RGPD2: variants seen among roughly 807,000 people sequenced by gnomAD.
RGPD2 encodes the protein RANBP2-like and GRIP domain-containing protein 2.
Under a neutral mutation model 36.0 loss-of-function variants are expected in RGPD2, and 2 were observed. The observed-to-expected ratio is 0.06, with a 90% CI of 0.02 to 0.17. RGPD2 has a LOEUF of 0.17. Among genes scored for constraint, RGPD2 ranks in the 10% least tolerant of loss-of-function variants. The pLI is 1.00. For synonymous variants in RGPD2, 19 were observed against 163.8 expected, an observed-to-expected ratio of 0.12 and a Z score of 6.75; for missense variants, 40 against 464.3, an observed-to-expected ratio of 0.09 and a Z score of 8.40.
the RGPD2 span, among the ~76,000 whole-genome samples, chr2:87,962,415 C>G: frequency 6.6e-6 from 1 of 150,540 alleles, no homozygotes; most frequent in Non-Finnish European, 1.5e-5. Context: ...ACAAGTATTG[C>G]CTTTCTAAAA....
chr2:87,866,209 A>C, the RGPD2 span, among the ~76,000 whole-genome samples: 3 of 150,138 alleles, frequency 2.0e-5, no homozygotes, highest in Admixed American at 6.7e-5. Flanking sequence ...TGGAATAAAA[A>C]AGTGGAAAAT....
At chr2:87,964,026 G>T in the RGPD2 span, among the ~76,000 whole-genome samples, 2 of 151,318 alleles carry the variant, frequency 1.3e-5, no homozygotes, top group East Asian at 3.9e-4. Context: ...AGTAGAGACG[G>T]GGTTTCACCA....
At chr2:87,807,409 CAG>C (rs1351937352) in intron 6 of RGPD2, among the ~76,000 whole-genome samples, 4 of 103,786 alleles carry the variant, frequency 3.9e-5, no homozygotes, top group African/African-American at 1.6e-4. Context: ...TTTTTTGAGA[CAG>C]AGTCTCTCAC....
chr2:87,969,657 CAA>C, the RGPD2 span, among the ~76,000 whole-genome samples: 1 of 40,512 alleles, frequency 2.5e-5, no homozygotes. Context: ...GATGCCGTCT[CAA>C]AAAAAAAAAA....
At chr2:87,861,018 TGTGA>T in the RGPD2 span, among the ~76,000 whole-genome samples, 4 of 152,286 alleles carry the variant, frequency 2.6e-5, no homozygotes, top group African/African-American at 9.6e-5. Flanking sequence ...AGGATGTATG[TGTGA>T]GTGTCAGTGT....
the RGPD2 span, among the ~76,000 whole-genome samples, chr2:87,944,633 T>C: frequency 7.9e-6 from 1 of 126,996 alleles, no homozygotes; most frequent in South Asian, 2.3e-4. Context: ...AAAATTCAGA[T>C]GGCATTTTTT....
At chr2:87,878,647 C>T in the RGPD2 span, among the ~76,000 whole-genome samples, 1 of 152,242 alleles carries the variant, frequency 6.6e-6, no homozygotes, top group Non-Finnish European at 1.5e-5. Context: ...TAACTATAGT[C>T]ACCTTGCTGT....
At chr2:87,861,316 A>G in the RGPD2 span, among the ~76,000 whole-genome samples, 2 of 152,086 alleles carry the variant, frequency 1.3e-5, no homozygotes, top group African/African-American at 2.4e-5. Flanking sequence ...TCTAATTTCA[A>G]TGTTAATGGA....
At chr2:87,915,357 TTA>T in the RGPD2 span, among the ~76,000 whole-genome samples, 4,242 of 116,412 alleles carry the variant, frequency 0.036, 244 homozygotes, top group Middle Eastern at 0.093. Context: ...ATTATATATA[TTA>T]TATATATATG....
the RGPD2 span, among the ~76,000 whole-genome samples, chr2:87,961,562 C>T: frequency 2.0e-5 from 3 of 151,090 alleles, no homozygotes; most frequent in Admixed American, 1.3e-4. Context: ...ATTACCCGGG[C>T]GTGGAGGTGG....
At chr2:87,970,314 C>A in the RGPD2 span, among the ~76,000 whole-genome samples, 1 of 151,226 alleles carries the variant, frequency 6.6e-6, no homozygotes. Context: ...TATTTATATA[C>A]ATACACGTAT....
At chr2:87,883,096 A>G in the RGPD2 span, among the ~76,000 whole-genome samples, 55 of 152,284 alleles carry the variant, frequency 3.6e-4, no homozygotes, top group East Asian at 0.01. Flanking sequence ...TAAAAACAAA[A>G]CTATTAAAAA....
At chr2:87,864,190 C>T in the RGPD2 span, among the ~76,000 whole-genome samples, 12 of 148,554 alleles carry the variant, frequency 8.1e-5, no homozygotes, top group African/African-American at 2.7e-4. Flanking sequence ...AATGTAAATG[C>T]CCCTGCTCAA....
chr2:87,826,846 G>A (rs1281033342), upstream of RGPD2, among the ~76,000 whole-genome samples: 1 of 58,994 alleles, frequency 1.7e-5, no homozygotes, highest in African/African-American at 6.8e-5. Context: ...AAAGTCATAG[G>A]GTAGAAAAAT....
At chr2:87,879,479 C>T in the RGPD2 span, among the ~76,000 whole-genome samples, 1 of 139,330 alleles carries the variant, frequency 7.2e-6, no homozygotes, top group East Asian at 2.1e-4. Context: ...AGTACCCTTC[C>T]CAGCCTCTGG....
the RGPD2 span, among the ~76,000 whole-genome samples, chr2:87,984,920 A>G: frequency 1.7e-5 from 2 of 115,152 alleles, no homozygotes; most frequent in Admixed American, 2.0e-4. Context: ...ACAGAGCAAC[A>G]TTCTGTCTCA....
chr2:87,920,286 G>A, the RGPD2 span, among the ~76,000 whole-genome samples: 1 of 151,928 alleles, frequency 6.6e-6, no homozygotes, highest in Non-Finnish European at 1.5e-5. Context: ...GGGAAAAAAA[G>A]CAACTTCAAA....
chr2:87,964,500 G>A, the RGPD2 span, among the ~76,000 whole-genome samples: 1 of 152,140 alleles, frequency 6.6e-6, no homozygotes, highest in Non-Finnish European at 1.5e-5. Context: ...CAAATTGAAA[G>A]TTTATGCCCA....
intron 1 of RGPD2, 121 bp downstream of exon 1, chr2:87,825,537 C>CGAGGCCGCCGCCCGGCCAGGT (rs1686738914): frequency 3.4e-6 from 2 of 588,590 alleles, no homozygotes; most frequent in Admixed American, 1.8e-4. Context: ...GAGGCCGAGG[C>CGAGGCCGCCGCCCGGCCAGGT]CGAGGCCGCC....
Sources: gnomAD v4.1 joint callset for allele counts (sites outside exome capture counted in the v4.1 genomes callset) on GRCh38, gnomAD v4.1.1 for gene constraint, MANE v1.5 for transcripts, NCBI Gene and HGNC (gene_info 2026-07-23, HGNC 2026-07-21) for gene names.